Variants in UTRN observed in about 807,000 individuals in gnomAD.
UTRN encodes dystrophin-related protein 1.
In UTRN, 283 loss-of-function variants were observed where a neutral mutation model predicts 463.9. The ratio of observed to expected loss-of-function variants is 0.61; its 90% CI spans 0.55 to 0.67. UTRN has a LOEUF of 0.67. Among genes scored for constraint, UTRN ranks in the 30% least tolerant of loss-of-function variants. The pLI, the probability that UTRN is intolerant of heterozygous loss-of-function variation, is 0.00. For missense variants in UTRN, 3,922 were observed against 4,084.3 expected (o/e 0.96, Z 1.08); for synonymous variants, 1,442 against 1,431.5 (o/e 1.01, Z -0.17).
In UTRN at chr6:144,522,109, A is replaced by C. The variant is rs778390121; in HGVS notation, c.5671A>C (p.Asn1891His). 1 of 1,585,850 alleles carries C rather than the reference A, an allele frequency of 6.3e-7. No individual in the cohort carries two copies. The highest frequency in any genetic ancestry group is 2.4e-5 in the East Asian group (1 of 41,964). Reference protein sequence around the residue: ...LCMDDVELSLNVPELNTAIYE... With the variant: ...LCMDDVELSLHVPELNTAIYE... ...CATGGATGATGTTGAATTATCGCTT[A>C]ATGTTCCAGAGCTCAACACTGCTAT... The change falls in exon 40 of 75, where the codon AAT becomes CAT. Residue 1891 changes from asparagine (N) to histidine (H), a missense_variant. Asn to His is a moderately conservative substitution (Grantham distance 68). Coordinates refer to ENST00000367545, the MANE Select transcript of UTRN (RefSeq NM_007124.3).
chr6:144,508,407 T>C (rs897756318), intron 34 of UTRN, among the ~76,000 whole-genome samples: 2 of 152,178 alleles, frequency 1.3e-5, no homozygotes, highest in African/African-American at 4.8e-5. Context: ...TCCGGGTCTG[T>C]AGGTTGTGAA....
intron 34 of UTRN, among the ~76,000 whole-genome samples, chr6:144,509,427 G>C (rs1794988142): frequency 6.6e-6 from 1 of 151,710 alleles, no homozygotes; most frequent in African/African-American, 2.4e-5. Flanking sequence ...GATTCTCATA[G>C]CTTTTTTAGG....
chr6:144,802,729 G>T (rs1301629378), intron 64 of UTRN, among the ~76,000 whole-genome samples: 1 of 151,790 alleles, frequency 6.6e-6, no homozygotes, highest in Non-Finnish European at 1.5e-5. Context: ...TCTTTGTGAG[G>T]GAATTTTAAA....
intron 43 of UTRN, among the ~76,000 whole-genome samples, chr6:144,536,551 CTGTT>C (rs1482500368): frequency 6.6e-6 from 1 of 151,914 alleles, no homozygotes; most frequent in Non-Finnish European, 1.5e-5. Flanking sequence ...CAAATATTGA[CTGTT>C]TATTAAATAT....
intron 37 of UTRN, among the ~76,000 whole-genome samples, chr6:144,515,729 A>G (rs1009838809): frequency 6.6e-6 from 1 of 152,216 alleles, no homozygotes; most frequent in African/African-American, 2.4e-5. Context: ...ACAAATATAA[A>G]ATTTTTCTAC....
At chr6:144,567,740 A>C (rs944116696) in intron 50 of UTRN, among the ~76,000 whole-genome samples, 3 of 152,148 alleles carry the variant, frequency 2.0e-5, no homozygotes, top group South Asian at 2.1e-4. Flanking sequence ...AAAAGAGATA[A>C]ATGTATTTAA....
At chr6:144,659,426 C>T (rs113650857) in intron 51 of UTRN, among the ~76,000 whole-genome samples, 36 of 152,284 alleles carry the variant, frequency 2.4e-4, no homozygotes, top group South Asian at 8.3e-4. Context: ...GCCACAAAGC[C>T]GGCAGAAGGG....
intron 2 of UTRN, among the ~76,000 whole-genome samples, chr6:144,362,971 T>C (rs1448583763): frequency 1.3e-5 from 2 of 152,206 alleles, no homozygotes; most frequent in Non-Finnish European, 2.9e-5. Flanking sequence ...GGTTTTGTAT[T>C]ATGTGGGTTT....
chr6:144,291,069 C>T lies in UTRN; in HGVS notation c.-92-668C>T, dbSNP rs537580323. Among the ~76,000 whole-genome samples the T allele has an allele frequency of 1.0e-3, 154 of 152,218 alleles. 1 individual carries two copies. The highest frequency in any genetic ancestry group is 1.7e-3 in the Non-Finnish European group (116 of 68,006). ...GATTACAGGCATGAGCCACCGTGCC[C>T]GTCCCTTGACGATCTTTTAAAAAGG... On this transcript the variant is annotated intron_variant, in intron 1 of 74. Transcript: ENST00000367545.
chr6:144,792,040 T>C (rs918562579), intron 62 of UTRN, among the ~76,000 whole-genome samples: 11 of 152,226 alleles, frequency 7.2e-5, no homozygotes, highest in Admixed American at 6.5e-4. Context: ...TCTTATTGTT[T>C]TTAATGGAAA....
intron 23 of UTRN, among the ~76,000 whole-genome samples, chr6:144,468,781 G>A (rs1465120631): frequency 2.0e-5 from 3 of 152,110 alleles, no homozygotes; most frequent in African/African-American, 4.8e-5. Flanking sequence ...TTGTTGTGGT[G>A]GAATTGACTT....
At chr6:144,387,131 T>C (rs1025796344) in intron 2 of UTRN, among the ~76,000 whole-genome samples, 12 of 152,174 alleles carry the variant, frequency 7.9e-5, no homozygotes, top group Non-Finnish European at 1.6e-4. Flanking sequence ...TATTTTTTTC[T>C]TCCCATTTTA....
chr6:144,682,492 T>C (rs547724480), intron 52 of UTRN, among the ~76,000 whole-genome samples: 6 of 152,330 alleles, frequency 3.9e-5, no homozygotes, highest in Non-Finnish European at 8.8e-5. Context: ...CTTTTGGGTA[T>C]ATAGCCAGCA....
chr6:144,828,454 G>A (rs186499076), intron 68 of UTRN, among the ~76,000 whole-genome samples: 346 of 152,228 alleles, frequency 2.3e-3, no homozygotes, highest in Non-Finnish European at 2.9e-3. Flanking sequence ...GTTATGAGAG[G>A]AACATCATTT....
At chr6:144,774,647 G>A (rs553808243) in intron 60 of UTRN, among the ~76,000 whole-genome samples, 1 of 152,210 alleles carries the variant, frequency 6.6e-6, no homozygotes, top group South Asian at 2.1e-4. Flanking sequence ...CAATTTAAAA[G>A]GATTAAATCA....
At chr6:144,292,445 C>A (rs559256705) in intron 2 of UTRN, among the ~76,000 whole-genome samples, 1 of 152,122 alleles carries the variant, frequency 6.6e-6, no homozygotes, top group Admixed American at 6.5e-5. Context: ...GGTTTTCACA[C>A]GAACAGTTAA....
Position 144,678,516 on chromosome 6 carries a change from A to C in UTRN, c.7590A>C (p.Gln2530His). 1 of 1,613,114 alleles carries C rather than the reference A, an allele frequency of 6.2e-7. No homozygotes were observed. Among genetic ancestry groups the C allele is most frequent in the Middle Eastern group, 1.7e-4 (1 of 6,054 alleles). ...LGNSEEATMLQHRLDDMNQRW... is the reference protein window; with the variant it reads ...LGNSEEATMLHHRLDDMNQRW... Reference sequence around the variant, plus strand: ...ATTCTGAAGAGGCTACTATGCTTCAACATCGACTGGATGATATGAACCAAA... The same window carrying C: ...ATTCTGAAGAGGCTACTATGCTTCACCATCGACTGGATGATATGAACCAAA... Residue 2530 changes from glutamine (Q) to histidine (H), a missense_variant, in exon 52 of 75, where the codon CAA becomes CAC. Gln to His is a conservative substitution (Grantham distance 24). Transcript: ENST00000367545.
chr6:144,748,333 ATG>A lies in UTRN; in HGVS notation c.8028_8029del (p.Ala2677CysfsTer3). 6.2e-7 allele frequency: 1 copy of A among 1,613,700 alleles called. No homozygotes were observed. Among genetic ancestry groups the A allele is most frequent in the Non-Finnish European group, 8.5e-7 (1 of 1,179,918 alleles). ...GTCAAAGAAAAATGGGAAAGTCTAA[ATG>A]CTGTAACTAGCAATTGGCAAAAGCA... is the stretch of plus-strand genomic sequence containing the variant. On this transcript the variant is annotated frameshift_variant, in exon 55 of 75. Transcript: ENST00000367545. LOFTEE classifies it high-confidence loss of function.
chr6:144,472,107 G>A (rs1790717413), intron 23 of UTRN, among the ~76,000 whole-genome samples: 1 of 152,178 alleles, frequency 6.6e-6, no homozygotes, highest in African/African-American at 2.4e-5. Context: ...ATGGAGGAAT[G>A]TCCTAATTAA....
Sources: allele counts gnomAD v4.1 joint callset (sites outside exome capture counted in the v4.1 genomes callset), GRCh38; gene constraint gnomAD v4.1.1; transcripts MANE v1.5; gene names NCBI Gene and HGNC (gene_info 2026-07-23, HGNC 2026-07-21).